TRIO: variants seen among roughly 807,000 people sequenced by gnomAD.
TRIO encodes the protein triple functional domain protein.
In TRIO, 58 loss-of-function variants were observed where a neutral mutation model predicts 351.9. The observed-to-expected ratio is 0.16, with a 90% CI of 0.13 to 0.21. The LOEUF (loss-of-function observed/expected upper bound fraction) is 0.21. TRIO is among the 10% of genes least tolerant of loss of function. The pLI is 1.00. For synonymous variants in TRIO, 1,758 were observed against 1,595.7 expected, an observed-to-expected ratio of 1.10 and a Z score of -2.42; for missense variants, 3,201 against 4,027.8, an observed-to-expected ratio of 0.79 and a Z score of 5.56.
intron 37 of TRIO, among the ~76,000 whole-genome samples, chr5:14,467,143 G>A (rs1017472959): frequency 3.4e-4 from 51 of 152,214 alleles, no homozygotes; most frequent in Admixed American, 2.0e-3. Flanking sequence ...ATACATACTT[G>A]TTTCCCATAT....
chr5:14,329,949 A>G (rs1740756985), intron 9 of TRIO, among the ~76,000 whole-genome samples: 1 of 152,210 alleles, frequency 6.6e-6, no homozygotes, highest in African/African-American at 2.4e-5. Flanking sequence ...TTGGTTGTGG[A>G]TGCGGAACCC....
In TRIO at chr5:14,348,587, G is replaced by A. The variant is rs558353881; in HGVS notation, c.2047-9591G>A. On this transcript the variant is annotated intron_variant, in intron 11 of 56. Transcript: ENST00000344204. ...ATGTTTTTCCTGCGTGTATATGCAT[G>A]TGCATGCACATCAGCATGTGTGCTT... Among the ~76,000 whole-genome samples, 8 of 152,366 alleles carry A rather than the reference G, an allele frequency of 5.3e-5. No homozygotes were observed. In the South Asian group the frequency reaches 1.4e-3, roughly 28 times the overall value.
intron 43 of TRIO, among the ~76,000 whole-genome samples, chr5:14,480,264 C>T (rs545230874): frequency 5.3e-5 from 8 of 152,050 alleles, no homozygotes; most frequent in South Asian, 4.2e-4. Flanking sequence ...TTTGGTAGGA[C>T]GGGAATCATC....
intron 11 of TRIO, among the ~76,000 whole-genome samples, chr5:14,352,276 G>A (rs1743207486): frequency 1.3e-5 from 2 of 152,204 alleles, no homozygotes; most frequent in African/African-American, 4.8e-5. Flanking sequence ...GGCCTCCAGG[G>A]GGCAGCCTTG....
At chr5:14,480,548 T>A (rs956327298) in intron 43 of TRIO, among the ~76,000 whole-genome samples, 2 of 152,214 alleles carry the variant, frequency 1.3e-5, no homozygotes, top group African/African-American at 4.8e-5. Flanking sequence ...TAGCCCTTGA[T>A]TGAGTTAAAT....
At chr5:14,175,499 TTATTA>T (rs1789352346) in intron 1 of TRIO, among the ~76,000 whole-genome samples, 1 of 152,184 alleles carries the variant, frequency 6.6e-6, no homozygotes, top group African/African-American at 2.4e-5. Context: ...AGATTCTAGA[TTATTA>T]TAGTATTGAA....
chr5:14,399,228 T>A, intron 30 of TRIO, 158 bp downstream of exon 30: 1 of 716,952 alleles, frequency 1.4e-6, no homozygotes, highest in Non-Finnish European at 2.3e-6. Context: ...TCAGTGAAAT[T>A]ATTTCCCACC....
rs569701307 is a variant in TRIO, at chr5:14,415,037, A to G, written c.4960-4741A>G. 5.9e-5 allele frequency among the ~76,000 whole-genome samples: 9 copies of G among 152,108 alleles called. No homozygotes were observed. In the South Asian group the frequency reaches 1.2e-3, roughly 21 times the overall value. ...TAACCAAGTAATCATTTTTTGGCCT[A>G]CTCTGTGTGAAACCTTCACGGAACC... On this transcript the variant is annotated intron_variant, in intron 33 of 56. Coordinates refer to ENST00000344204, the MANE Select transcript of TRIO (RefSeq NM_007118.4).
intron 33 of TRIO, among the ~76,000 whole-genome samples, chr5:14,419,417 A>T (rs1339475065): frequency 1.3e-5 from 2 of 152,144 alleles, no homozygotes; most frequent in Non-Finnish European, 2.9e-5. Flanking sequence ...AACGCCCAAC[A>T]CTGGGTCAGA....
chr5:14,312,606 C>T (rs1487787465), intron 8 of TRIO, among the ~76,000 whole-genome samples: 1 of 152,134 alleles, frequency 6.6e-6, no homozygotes, highest in Admixed American at 6.5e-5. Flanking sequence ...TTTCTTTTTG[C>T]AGCTGTTGTC....
At chr5:14,389,997 T>C (rs1438272972) in intron 25 of TRIO, among the ~76,000 whole-genome samples, 1 of 152,156 alleles carries the variant, frequency 6.6e-6, no homozygotes, top group Non-Finnish European at 1.5e-5. Context: ...TATTTACGTC[T>C]CCGAAGTATA....
intron 3 of TRIO, among the ~76,000 whole-genome samples, chr5:14,284,055 C>A (rs1380447710): frequency 6.6e-6 from 1 of 151,970 alleles, no homozygotes; most frequent in Admixed American, 6.5e-5. Flanking sequence ...TCCTTGTTGT[C>A]CACTAATGAA....
intron 8 of TRIO, among the ~76,000 whole-genome samples, chr5:14,304,976 CAT>C (rs940565399): frequency 8.5e-5 from 13 of 152,216 alleles, no homozygotes; most frequent in African/African-American, 1.7e-4. Flanking sequence ...GCAAGGCACA[CAT>C]GTGTCTATTT....
At chr5:14,455,073 G>T (rs955651416) in intron 34 of TRIO, among the ~76,000 whole-genome samples, 3 of 152,200 alleles carry the variant, frequency 2.0e-5, no homozygotes, top group Non-Finnish European at 4.4e-5. Context: ...GACCTTCGCG[G>T]TGAGTGTTAT....
At chr5:14,489,047 G>A (rs758947669) in intron 48 of TRIO, 42 of 765,224 alleles carry the variant, frequency 5.5e-5, no homozygotes, top group East Asian at 7.3e-5. Flanking sequence ...GGCCTGGCCC[G>A]TAACACTTTC....
At chr5:14,241,936 A>G (rs1244158939) in intron 1 of TRIO, among the ~76,000 whole-genome samples, 1 of 152,182 alleles carries the variant, frequency 6.6e-6, no homozygotes, top group Non-Finnish European at 1.5e-5. Flanking sequence ...TTAAAAGTAA[A>G]TTGTATTATT....
At chr5:14,324,621 G>C (rs1420439027) in intron 9 of TRIO, among the ~76,000 whole-genome samples, 1 of 152,218 alleles carries the variant, frequency 6.6e-6, no homozygotes, top group Non-Finnish European at 1.5e-5. Flanking sequence ...GGAATGTAGT[G>C]AGCTTGGAGT....
Position 14,465,536 on chromosome 5 carries a change from C to A in TRIO, c.5668-9C>A, listed in dbSNP as rs776612941. On this transcript the variant is annotated splice_polypyrimidine_tract_variant and intron_variant, in intron 36 of 56. Coordinates refer to ENST00000344204, the MANE Select transcript of TRIO (RefSeq NM_007118.4). Reference sequence around the variant, plus strand: ...CCCCACCCCCTCCTTTTCTTAATTTCTTCTGTAGGCCTCTTCTCGGTTATT... The same window carrying A: ...CCCCACCCCCTCCTTTTCTTAATTTATTCTGTAGGCCTCTTCTCGGTTATT... 400 of 1,612,398 alleles carry A rather than the reference C, an allele frequency of 2.5e-4. 2 individuals are homozygous for A. Among genetic ancestry groups the A allele is most frequent in the South Asian group, 7.7e-5 (7 of 91,030 alleles).
chr5:14,377,894 T>G (rs1288504316), intron 19 of TRIO, 118 bp from the exon 20 acceptor site: 2 of 719,244 alleles, frequency 2.8e-6, no homozygotes, highest in African/African-American at 1.7e-5. Context: ...GATTCTTTAT[T>G]TATCGTGCTG....
Sources: allele counts gnomAD v4.1 joint callset (sites outside exome capture counted in the v4.1 genomes callset), GRCh38; gene constraint gnomAD v4.1.1; transcripts MANE v1.5; gene names NCBI Gene and HGNC (gene_info 2026-07-23, HGNC 2026-07-21).